The following SGCZ variants were observed in gnomAD, a reference collection of about 807,000 sequenced individuals.
The protein encoded by SGCZ is sarcoglycan zeta.
SGCZ carries 40 observed loss-of-function variants against 41.3 expected under a neutral mutation model. The ratio of observed to expected loss-of-function variants is 0.97; its 90% CI spans 0.75 to 1.26. The LOEUF is 1.26. SGCZ is among the 50% of genes most tolerant of loss of function. SGCZ has a pLI of 0.00. For synonymous variants in SGCZ, 206 were observed against 137.5 expected, an observed-to-expected ratio of 1.50 and a Z score of -3.49; for missense variants, 552 against 369.8, an observed-to-expected ratio of 1.49 and a Z score of -4.04.
chr8:14,323,078 T>C (rs1009011250), intron 3 of SGCZ, among the ~76,000 whole-genome samples: 4 of 151,934 alleles, frequency 2.6e-5, no homozygotes, highest in African/African-American at 4.8e-5. Context: ...AGTACCAGAG[T>C]AGAGTCAATA....
At chr8:14,972,275 CTG>C (rs71834529) in intron 1 of SGCZ, among the ~76,000 whole-genome samples, 19,306 of 151,926 alleles carry the variant, frequency 0.13, 3,011 homozygotes, top group African/African-American at 0.37. Flanking sequence ...AATGTTTCCT[CTG>C]TCATTTCTGG....
rs182818310 is a variant in SGCZ, at chr8:14,506,138, C to A, written c.234+48594G>T. On this transcript the variant is annotated intron_variant, in intron 2 of 7. Coordinates refer to ENST00000382080, the MANE Select transcript of SGCZ (RefSeq NM_139167.4). ...GGATCATGAGGTCAGGAGTTCAAGA[C>A]CAGCCTGGCAAGCATGATGAAACCC... Among the ~76,000 whole-genome samples, 474 of 152,062 alleles carry A rather than the reference C, an allele frequency of 3.1e-3. 1 individual carries two copies. The highest frequency in any genetic ancestry group is 5.4e-3 in the Non-Finnish European group (369 of 67,996).
At chr8:14,716,441 C>T (rs1809693377) in intron 1 of SGCZ, among the ~76,000 whole-genome samples, 1 of 151,988 alleles carries the variant, frequency 6.6e-6, no homozygotes, top group South Asian at 2.1e-4. Context: ...ATACATCTCC[C>T]AAAACTGAAT....
At chr8:14,774,201 G>C (rs1256456731) in intron 1 of SGCZ, among the ~76,000 whole-genome samples, 3 of 151,974 alleles carry the variant, frequency 2.0e-5, no homozygotes, top group African/African-American at 7.2e-5. Flanking sequence ...CTGAGCAAGA[G>C]AGAACTGTGC....
Position 14,237,678 on chromosome 8 carries a change from T to C in SGCZ, c.338A>G (p.Asp113Gly), listed in dbSNP as rs767987216. The C allele has an allele frequency of 6.2e-7, 1 of 1,610,156 alleles. No homozygotes were observed. Among genetic ancestry groups the C allele is most frequent in the South Asian group, 1.1e-5 (1 of 89,972 alleles). Residue 113 changes from aspartate (D) to glycine (G), a missense_variant and splice_region_variant, in exon 4 of 8, where the codon GAT becomes GGT. Coordinates refer to ENST00000382080, the MANE Select transcript of SGCZ (RefSeq NM_139167.4). ...GTCAGACTGTAAGACCAGCGGACTA[T>C]CCTGGGAAACATGTATAAAATAAAT... ...LYVKEIHSRK[D>G]SPLVLQSDRN... is the part of the protein sequence containing the mutation.
chr8:14,642,509 G>A (rs886949251), intron 1 of SGCZ, among the ~76,000 whole-genome samples: 3 of 150,640 alleles, frequency 2.0e-5, no homozygotes, highest in African/African-American at 4.9e-5. Flanking sequence ...GTAAGGTATC[G>A]ACCTTACATA....
At chr8:14,191,074 G>T (rs1330396965) in intron 4 of SGCZ, among the ~76,000 whole-genome samples, 1 of 152,086 alleles carries the variant, frequency 6.6e-6, no homozygotes, top group Non-Finnish European at 1.5e-5. Context: ...TGGTGGTTTT[G>T]ATTTGCATTT....
At chr8:14,264,863 T>C (rs1230549757) in intron 3 of SGCZ, among the ~76,000 whole-genome samples, 1 of 152,062 alleles carries the variant, frequency 6.6e-6, no homozygotes, top group East Asian at 1.9e-4. Flanking sequence ...CTCGGGAGGC[T>C]GAGGCAGGAG....
chr8:14,594,284 A>C (rs570720974), intron 1 of SGCZ, among the ~76,000 whole-genome samples: 1 of 152,168 alleles, frequency 6.6e-6, no homozygotes, highest in African/African-American at 2.4e-5. Flanking sequence ...TTGACAGCCA[A>C]GGATTTGCAT....
At chr8:14,242,038 C>A (rs950097455) in intron 3 of SGCZ, among the ~76,000 whole-genome samples, 2 of 152,158 alleles carry the variant, frequency 1.3e-5, no homozygotes, top group African/African-American at 2.4e-5. Flanking sequence ...AGACAGACTT[C>A]TTTATTTTCT....
chr8:14,184,598 T>C (rs1438839719), intron 4 of SGCZ, among the ~76,000 whole-genome samples: 2 of 152,210 alleles, frequency 1.3e-5, no homozygotes, highest in African/African-American at 4.8e-5. Flanking sequence ...TGTTTGATTA[T>C]GTTATCAATG....
intron 1 of SGCZ, among the ~76,000 whole-genome samples, chr8:14,993,371 G>A (rs149773408): frequency 2.0e-5 from 3 of 152,022 alleles, no homozygotes; most frequent in East Asian, 1.9e-4. Flanking sequence ...TCTAGGAATG[G>A]GGCTTGAGCA....
intron 3 of SGCZ, chr8:14,309,538 A>G (rs1801458532): frequency 6.2e-7 from 1 of 1,610,278 alleles, no homozygotes; most frequent in African/African-American, 1.3e-5. Flanking sequence ...GTGAAAACAA[A>G]GAAGCTGTTA....
At chr8:14,464,772 G>GT (rs1801002782) in intron 2 of SGCZ, among the ~76,000 whole-genome samples, 1 of 151,220 alleles carries the variant, frequency 6.6e-6, no homozygotes, top group Non-Finnish European at 1.5e-5. Flanking sequence ...TATTCTTTAA[G>GT]TTTTGCTATA....
At chr8:14,135,391 G>C (rs916967234) in intron 5 of SGCZ, among the ~76,000 whole-genome samples, 2 of 152,112 alleles carry the variant, frequency 1.3e-5, no homozygotes, top group African/African-American at 4.8e-5. Flanking sequence ...TGCCTAACTT[G>C]TTTCTAAGGT....
At chr8:14,164,870 A>G in intron 4 of SGCZ, 168 bp from the exon 5 acceptor site, 1 of 812,090 alleles carries the variant, frequency 1.2e-6, no homozygotes, top group Non-Finnish European at 1.8e-6. Flanking sequence ...TCAGGAGGCT[A>G]ATTTGGGAAT....
intron 1 of SGCZ, among the ~76,000 whole-genome samples, chr8:15,000,050 G>A (rs1162207751): frequency 6.6e-6 from 1 of 152,138 alleles, no homozygotes; most frequent in East Asian, 1.9e-4. Flanking sequence ...TGAGGTCATA[G>A]GGGTGAGCCC....
At chr8:14,295,855 G>A (rs562814986) in intron 3 of SGCZ, among the ~76,000 whole-genome samples, 1 of 152,102 alleles carries the variant, frequency 6.6e-6, no homozygotes, top group African/African-American at 2.4e-5. Context: ...GCACAGGAGG[G>A]AACTGCACAG....
intron 1 of SGCZ, among the ~76,000 whole-genome samples, chr8:14,915,997 T>C (rs1439351832): frequency 1.3e-5 from 2 of 152,200 alleles, no homozygotes; most frequent in Admixed American, 6.6e-5. Context: ...GTTGGGACTT[T>C]TAAAAATTGC....
Sources: allele counts gnomAD v4.1 joint callset (sites outside exome capture counted in the v4.1 genomes callset), GRCh38; gene constraint gnomAD v4.1.1; transcripts MANE v1.5; gene names NCBI Gene and HGNC (gene_info 2026-07-23, HGNC 2026-07-21).